Variants in LIG3 observed in about 807,000 individuals in gnomAD.
LIG3 encodes DNA ligase 3.
In LIG3, 58 loss-of-function variants were observed where a neutral mutation model predicts 110.9. The ratio of observed to expected loss-of-function variants is 0.52; its 90% CI spans 0.42 to 0.65. The LOEUF (loss-of-function observed/expected upper bound fraction) is 0.65, where lower values mean the gene tolerates loss of function less well. LIG3 is among the 30% of genes least tolerant of loss of function. The pLI is 0.00. For synonymous variants in LIG3, 422 were observed against 472.8 expected (o/e 0.89, Z 1.39); for missense variants, 1,094 against 1,273.8 (o/e 0.86, Z 2.15).
chr17:35,005,808 C>T lies in LIG3; in HGVS notation c.*1302C>T, dbSNP rs1357572130. 4.2e-5 allele frequency: 20 copies of T among 472,902 alleles called. No individual in the cohort carries two copies. The highest frequency in any genetic ancestry group is 7.9e-5 in the Non-Finnish European group (19 of 239,076). The allele number at this position is 472,902 out of a possible 1,614,324, so 29.3% of individuals were successfully genotyped here. On this transcript the variant is annotated 3_prime_UTR_variant, in exon 20 of 20. Coordinates refer to ENST00000378526, the MANE Select transcript of LIG3 (RefSeq NM_013975.4). Reference sequence around the variant, plus strand: ...TGTCAATGAAGTTCTAAAGGCTGTACCAATCCTCCAATATGAAATGTGGGA... The same window carrying T: ...TGTCAATGAAGTTCTAAAGGCTGTATCAATCCTCCAATATGAAATGTGGGA...
chr17:34,991,187 T>C (rs1402713744), intron 5 of LIG3, 73 bp downstream of exon 5: 5 of 1,377,942 alleles, frequency 3.6e-6, no homozygotes, highest in Non-Finnish European at 5.0e-6. Flanking sequence ...TGCAGCCTCT[T>C]TTTTTTTTTC....
At position 35,009,661 on chromosome 17, in the gene LIG3, T is replaced by G. The variant is rs1018704431; in HGVS notation, c.*5155T>G. ...ACCTTCACCAAAAGGGGATAAAAGA[T>G]TTAAAGGCAAAATGAGTAAACAACC... On this transcript the variant is annotated 3_prime_UTR_variant, in exon 20 of 20. Transcript: ENST00000378526. 6.6e-6 allele frequency: 1 copy of G among 151,954 alleles called. No individual in the cohort carries two copies. Among genetic ancestry groups the G allele is most frequent in the African/African-American group, 2.4e-5 (1 of 41,352 alleles). The allele number at this position is 151,954 out of a possible 1,614,324, so 9.4% of individuals were successfully genotyped here.
Position 35,005,740 on chromosome 17 carries a change from A to G in LIG3, c.*1234A>G. ...AAACTGCCGGGCTATCTGATGGGTT[A>G]GAGCGCCTTTAAGAAGAAATCAGTG... On this transcript the variant is annotated 3_prime_UTR_variant, in exon 20 of 20. Coordinates refer to ENST00000378526, the MANE Select transcript of LIG3 (RefSeq NM_013975.4). 2 of 561,028 alleles carry G rather than the reference A, an allele frequency of 3.6e-6. No individual in the cohort carries two copies. The highest frequency in any genetic ancestry group is 1.4e-5 in the South Asian group (1 of 72,138). 34.8% of individuals were successfully genotyped at this position (561,028 alleles called of 1,614,324 possible).
chr17:34,997,800 T>C lies in LIG3; in HGVS notation c.1886T>C (p.Met629Thr). ...DNMVEIPNRI[M>T]FSEMKRVTKA... ...ATGGTTGAAATTCCAAACCGGATCA[T>C]GTTCTCAGAAATGAAGCGAGTCACA... is the stretch of plus-strand genomic sequence containing the variant. The change falls in exon 12 of 20, where the codon ATG becomes ACG. Residue 629 changes from methionine to threonine, a missense_variant. Physicochemically the swap from Met to Thr is moderately conservative, Grantham distance 81 (BLOSUM62 -1). Transcript: ENST00000378526. 1.2e-6 allele frequency: 2 copies of C among 1,614,132 alleles called. No homozygotes were observed. The highest frequency in any genetic ancestry group is 1.1e-5 in the South Asian group (1 of 91,086).
At position 35,005,322 on chromosome 17, in the gene LIG3, C is replaced by T. The variant is rs1372252862; in HGVS notation, c.*816C>T. On this transcript the variant is annotated 3_prime_UTR_variant, in exon 20 of 20. Transcript: ENST00000378526. ...AACATGGAGACTTTGTACCATATCC[C>T]ATTCTTAGTGCTCGAGTGTTCCAAC... is the stretch of plus-strand genomic sequence containing the variant. 1.8e-6 allele frequency: 1 copy of T among 549,126 alleles called. No homozygotes were observed. Among genetic ancestry groups the T allele is most frequent in the Non-Finnish European group, 3.7e-6 (1 of 270,576 alleles). The allele number at this position is 549,126 out of a possible 1,614,324, so 34.0% of individuals were successfully genotyped here.
At position 34,996,152 on chromosome 17, in the gene LIG3, A is replaced by G; in HGVS notation, c.1700A>G (p.Lys567Arg). Residue 567 changes from lysine (K) to arginine (R), a missense_variant, in exon 10 of 20, where the codon AAG becomes AGG. Transcript: ENST00000378526. ...LDSEVLLIDN[K>R]TGKPLPFGTL... ...TCTGAAGTGCTTCTGATTGACAACA[A>G]GACAGGCAAACCACTGCCCTTTGGG... The G allele has an allele frequency of 6.2e-7, 1 of 1,614,214 alleles. No individual in the cohort carries two copies. The highest frequency in any genetic ancestry group is 1.3e-5 in the African/African-American group (1 of 75,056).
chr17:35,002,999 GGCCA>G (rs1567695410), intron 19 of LIG3: 4 of 1,614,134 alleles, frequency 2.5e-6, no homozygotes, highest in Non-Finnish European at 2.5e-6. Flanking sequence ...TTGCAGAGGC[GGCCA>G]GCCAGTGAGC....
chr17:34,986,246 G>T, intron 3 of LIG3, 115 bp downstream of exon 3: 3 of 1,041,922 alleles, frequency 2.9e-6, no homozygotes, highest in Non-Finnish European at 4.3e-6. Flanking sequence ...TTAATAATTT[G>T]CTTCTGTCTG....
Position 34,992,045 on chromosome 17 carries a change from A to G in LIG3, c.1286+10A>G. The G allele has an allele frequency of 6.2e-7, 1 of 1,611,974 alleles. No homozygotes were observed. Among genetic ancestry groups the G allele is most frequent in the South Asian group, 1.1e-5 (1 of 91,030 alleles). On this transcript the variant is annotated intron_variant, in intron 7 of 19. Transcript: ENST00000378526. Reference sequence around the variant, plus strand: ...CAGGTGCAAAACATGTGTAAGTAGCAGCTCCGCTGACAGCCTGAGCTGTCA... The same window carrying G: ...CAGGTGCAAAACATGTGTAAGTAGCGGCTCCGCTGACAGCCTGAGCTGTCA...
At chr17:34,985,950 C>T (rs2090650125) in intron 2 of LIG3, 38 bp from the exon 3 acceptor site, 2 of 1,597,960 alleles carry the variant, frequency 1.3e-6, no homozygotes, top group African/African-American at 2.7e-5. Flanking sequence ...AGAGATCGTT[C>T]ACTGAAGGAT....
At chr17:34,998,369 C>A in intron 13 of LIG3, 73 bp downstream of exon 13, 1 of 1,376,716 alleles carries the variant, frequency 7.3e-7, no homozygotes, top group Non-Finnish European at 1.0e-6. Flanking sequence ...CCAGCCCTGA[C>A]CAGGAGATGG....
intron 8 of LIG3, among the ~76,000 whole-genome samples, chr17:34,993,464 G>A (rs929385341): frequency 3.3e-5 from 5 of 152,160 alleles, no homozygotes; most frequent in Admixed American, 6.5e-5. Flanking sequence ...ATGGGACTGC[G>A]GCCACCTGCA....
intron 15 of LIG3, 136 bp from the exon 16 acceptor site, chr17:34,999,646 C>G: frequency 1.9e-6 from 2 of 1,054,368 alleles, no homozygotes. Context: ...AGGTCATACC[C>G]ACTCTGGGCT....
chr17:35,001,245 T>C lies in LIG3; in HGVS notation c.2332-12T>C. ...CTTAACCAGTGATGACCTGCTGGCTTACTCCTGACAGAAAGCTGCCGTGTG... is the reference window on the plus strand; with the variant it reads ...CTTAACCAGTGATGACCTGCTGGCTCACTCCTGACAGAAAGCTGCCGTGTG... On this transcript the variant is annotated splice_polypyrimidine_tract_variant and intron_variant, in intron 16 of 19. Transcript: ENST00000378526. 2 of 1,612,914 alleles carry C rather than the reference T, an allele frequency of 1.2e-6. No individual in the cohort carries two copies. Among genetic ancestry groups the C allele is most frequent in the Non-Finnish European group, 1.7e-6 (2 of 1,178,976 alleles).
intron 4 of LIG3, 130 bp downstream of exon 4, chr17:34,989,793 CT>C: frequency 1.2e-6 from 1 of 800,606 alleles, no homozygotes; most frequent in Non-Finnish European, 2.0e-6. Context: ...GTAGTGCTAT[CT>C]GGAAATTCTT....
Position 34,986,211 on chromosome 17 carries a change from G to A in LIG3, c.691+80G>A, listed in dbSNP as rs2090653782. 2.8e-6 allele frequency: 4 copies of A among 1,419,582 alleles called. No individual in the cohort carries two copies. The Admixed American group carries it at 5.4e-5, about 19-fold the overall frequency. The allele number at this position is 1,419,582 out of a possible 1,614,324, so 87.9% of individuals were successfully genotyped here. A position where few individuals can be genotyped will look rare whatever the true frequency, so the allele number is the denominator to read the frequency against. ...CTACCTAGGATTCTGGCTAAAGAGTGAAAATTCTGTGCTATCTCATCTCAT... is the reference window on the plus strand; with the variant it reads ...CTACCTAGGATTCTGGCTAAAGAGTAAAAATTCTGTGCTATCTCATCTCAT... On this transcript the variant is annotated intron_variant, in intron 3 of 19. Transcript: ENST00000378526.
chr17:35,002,187 C>G, intron 18 of LIG3, 83 bp downstream of exon 18: 1 of 1,194,986 alleles, frequency 8.4e-7, no homozygotes, highest in East Asian at 2.5e-5. Context: ...GTCTCACATT[C>G]CAGCCCTGAG....
intron 19 of LIG3, 147 bp downstream of exon 19, chr17:35,002,936 T>C: frequency 1.2e-6 from 2 of 1,611,206 alleles, no homozygotes; most frequent in Non-Finnish European, 1.7e-6. Context: ...GCCACTCCTC[T>C]GTCGTGGGCA....
Position 34,994,310 on chromosome 17 carries a change from A to G in LIG3, c.1490A>G (p.Lys497Arg), listed in dbSNP as rs1261373770. 6.8e-6 allele frequency: 11 copies of G among 1,613,840 alleles called. No homozygotes were observed. The highest frequency in any genetic ancestry group is 9.3e-6 in the Non-Finnish European group (11 of 1,180,008). Reference protein sequence around the residue: ...EACKSVEYAMKKCPNGMFSEI... With the variant: ...EACKSVEYAMRKCPNGMFSEI... Reference sequence around the variant, plus strand: ...TGCAAGTCCGTTGAGTATGCAATGAAGAAATGTCCCAATGGCATGTTCTCT... The same window carrying G: ...TGCAAGTCCGTTGAGTATGCAATGAGGAAATGTCCCAATGGCATGTTCTCT... Residue 497 changes from lysine (K) to arginine (R), a missense_variant, in exon 9 of 20, where the codon AAG becomes AGG. Lys to Arg is a conservative substitution (Grantham distance 26). Transcript: ENST00000378526.
Sources: allele counts gnomAD v4.1 joint callset (sites outside exome capture counted in the v4.1 genomes callset), GRCh38; gene constraint gnomAD v4.1.1; transcripts MANE v1.5; gene names NCBI Gene and HGNC (gene_info 2026-07-23, HGNC 2026-07-21).